Variants in FRMPD4 observed in about 807,000 individuals in gnomAD.
The protein encoded by FRMPD4 is FERM and PDZ domain-containing protein 4.
In FRMPD4, 22 loss-of-function variants were observed where a neutral mutation model predicts 94.1. That is an observed-to-expected ratio of 0.23 (90% CI 0.17 to 0.33). The LOEUF is 0.33. Among genes scored for constraint, FRMPD4 ranks in the 10% least tolerant of loss-of-function variants. FRMPD4 has a pLI of 1.00. For synonymous variants in FRMPD4, 631 were observed against 548.6 expected (o/e 1.15, Z -2.10); for missense variants, 1,111 against 1,339.9 (o/e 0.83, Z 2.67).
chrX:12,237,214 TG>T (rs779537574), intron 1 of FRMPD4, among the ~76,000 whole-genome samples: 1 of 111,652 alleles, frequency 9.0e-6, no homozygotes, highest in Admixed American at 9.7e-5. Flanking sequence ...AATATATTTT[TG>T]CATTCTTTTC....
At chrX:11,888,746 T>C (rs759034053) in intron 3 of FRMPD4, among the ~76,000 whole-genome samples, 1 of 112,380 alleles carries the variant, frequency 8.9e-6, no homozygotes, top group Admixed American at 9.4e-5. Flanking sequence ...CTATAGTCTA[T>C]TAAGTGTACA....
At chrX:12,353,613 G>A (rs62588611) in intron 1 of FRMPD4, among the ~76,000 whole-genome samples, 24,051 of 111,462 alleles carry the variant, frequency 0.22, 1,995 homozygotes, top group Non-Finnish European at 0.24. Flanking sequence ...TTTTGCATTC[G>A]TAATTTTGTG....
At chrX:12,505,634 G>A (rs1209784109) in intron 2 of FRMPD4, among the ~76,000 whole-genome samples, 1 of 107,181 alleles carries the variant, frequency 9.3e-6, no homozygotes, top group Non-Finnish European at 1.9e-5. Context: ...GGCTGAGGCA[G>A]GAGAATCGCT....
In FRMPD4 at chrX:12,702,039, G is replaced by A; in HGVS notation, c.1070+29G>A. On this transcript the variant is annotated intron_variant, in intron 10 of 16. Transcript: ENST00000675598. ...AGTGTTGACTCTCAGCGCCATTTCG[G>A]AGACAGACATGCCGCCTCCCTTAGC... 2 of 1,189,145 alleles carry A rather than the reference G, an allele frequency of 1.7e-6. 1 individual carries two copies. The highest frequency in any genetic ancestry group is 3.6e-5 in the South Asian group (2 of 56,057).
chrX:12,463,698 G>GTTTTTTT (rs1357648486), intron 1 of FRMPD4, among the ~76,000 whole-genome samples: 2 of 81,470 alleles, frequency 2.5e-5, no homozygotes, highest in East Asian at 4.1e-4. Context: ...TTTTGTTTTT[G>GTTTTTTT]TTTTTTTTTT....
intron 1 of FRMPD4, among the ~76,000 whole-genome samples, chrX:12,443,259 T>G (rs1180114028): frequency 3.6e-5 from 4 of 112,194 alleles, no homozygotes; most frequent in Non-Finnish European, 5.6e-5. Context: ...AATAAATCCA[T>G]AGCTTAATAT....
intron 1 of FRMPD4, among the ~76,000 whole-genome samples, chrX:12,215,305 C>G (rs1435720173): frequency 2.7e-5 from 3 of 111,376 alleles, no homozygotes; most frequent in Admixed American, 1.9e-4. Context: ...TCACTCTGAT[C>G]TTGCCATCTT....
chrX:12,380,328 A>C (rs766180662), intron 1 of FRMPD4, among the ~76,000 whole-genome samples: 130 of 112,297 alleles, frequency 1.2e-3, no homozygotes, highest in Non-Finnish European at 2.0e-3. Flanking sequence ...GCTTTGCAGA[A>C]TGAGTACTGT....
chrX:12,705,026 G>A (rs186908419), intron 11 of FRMPD4, among the ~76,000 whole-genome samples: 1 of 111,809 alleles, frequency 8.9e-6, no homozygotes, highest in East Asian at 2.8e-4. Context: ...CAAGATGCCA[G>A]TAGCACCCTC....
At chrX:12,077,754 C>T (rs1428499416) in intron 3 of FRMPD4, among the ~76,000 whole-genome samples, 1 of 110,819 alleles carries the variant, frequency 9.0e-6, no homozygotes, top group Non-Finnish European at 1.9e-5. Context: ...CAAGCATCAC[C>T]TGCAGACTTC....
chrX:11,984,307 T>G (rs1324715427), intron 3 of FRMPD4, among the ~76,000 whole-genome samples: 1 of 112,449 alleles, frequency 8.9e-6, no homozygotes, highest in Non-Finnish European at 1.9e-5. Context: ...TGCCATGACC[T>G]TTGCTCTTGA....
chrX:12,273,571 T>C (rs1354422788), intron 1 of FRMPD4, among the ~76,000 whole-genome samples: 3 of 112,637 alleles, frequency 2.7e-5, no homozygotes, highest in South Asian at 7.3e-4. Flanking sequence ...TATGCTAAGA[T>C]GATAGTGCCC....
chrX:12,102,516 T>A, intron 3 of FRMPD4, among the ~76,000 whole-genome samples: 1 of 111,886 alleles, frequency 8.9e-6, no homozygotes, highest in African/African-American at 3.2e-5. Context: ...TACATTTAAA[T>A]GTTGACTTTT....
At chrX:12,094,093 T>C (rs2055178406) in intron 3 of FRMPD4, among the ~76,000 whole-genome samples, 1 of 112,117 alleles carries the variant, frequency 8.9e-6, no homozygotes, top group Admixed American at 9.5e-5. Context: ...TAGGCTTGGT[T>C]TTCTCTAGGT....
intron 4 of FRMPD4, among the ~76,000 whole-genome samples, chrX:12,658,729 A>G (rs1013618668): frequency 6.7e-4 from 74 of 110,179 alleles, no homozygotes; most frequent in African/African-American, 2.3e-3. Flanking sequence ...AGTTTTTTCC[A>G]ATGGTATTTA....
At position 12,138,486 on chromosome X, in the gene FRMPD4, C is replaced by T. The variant is rs932383267; in HGVS notation, c.-486C>T. On this transcript the variant is annotated 5_prime_UTR_variant, in exon 1 of 17. Coordinates refer to ENST00000675598, the MANE Select transcript of FRMPD4 (RefSeq NM_001368397.1). Reference sequence around the variant, plus strand: ...AGGCAGGGAGGCAGCTGCAGTGCTGCGAGGGGTGCGTGCGCGTGTGCCCAG... The same window carrying T: ...AGGCAGGGAGGCAGCTGCAGTGCTGTGAGGGGTGCGTGCGCGTGTGCCCAG... The T allele has an allele frequency of 1.9e-5, 3 of 161,022 alleles. No homozygotes were observed. Among genetic ancestry groups the T allele is most frequent in the African/African-American group, 9.2e-5 (3 of 32,768 alleles). 13.3% of individuals were successfully genotyped at this position (161,022 alleles called of 1,213,427 possible).
At chrX:12,198,586 C>A (rs7057662) in intron 1 of FRMPD4, among the ~76,000 whole-genome samples, 34,835 of 110,582 alleles carry the variant, frequency 0.32, 4,392 homozygotes, top group African/African-American at 0.47. Context: ...GATTCAAGTG[C>A]CATTTTACAT....
At chrX:12,506,031 G>T (rs539405161) in intron 2 of FRMPD4, among the ~76,000 whole-genome samples, 1 of 111,853 alleles carries the variant, frequency 8.9e-6, no homozygotes, top group South Asian at 3.8e-4. Flanking sequence ...CCCTCCGGCT[G>T]CTCCATAAAC....
rs544769024 is a variant in FRMPD4, at chrX:12,640,586, A to G, written c.422+25705A>G. ...ATGTAGATTGGCATTTCTTCTGTTT[A>G]AAAGAACATTTCCAGTCATTCTTTT... On this transcript the variant is annotated intron_variant, in intron 4 of 16. Transcript: ENST00000675598. Among the ~76,000 whole-genome samples, 45 of 111,718 alleles carry G rather than the reference A, an allele frequency of 4.0e-4. 1 individual carries two copies. The South Asian group carries it at 0.015, about 38-fold the overall frequency.
Sources: gnomAD v4.1 joint callset for allele counts (sites outside exome capture counted in the v4.1 genomes callset) on GRCh38, gnomAD v4.1.1 for gene constraint, MANE v1.5 for transcripts, NCBI Gene and HGNC (gene_info 2026-07-23, HGNC 2026-07-21) for gene names.